PKHD1L1: variants seen among roughly 807,000 people sequenced by gnomAD.
PKHD1L1 encodes the protein PKHD1 like 1.
Under a neutral mutation model 462.9 loss-of-function variants are expected in PKHD1L1, and 434 were observed. The observed-to-expected ratio is 0.94, with a 90% CI of 0.87 to 1.02. The LOEUF (loss-of-function observed/expected upper bound fraction) is 1.02. Ranked by LOEUF, PKHD1L1 falls within the 50% of genes least tolerant of loss-of-function variation. The pLI, the probability that PKHD1L1 is intolerant of heterozygous loss-of-function variation, is 0.00. For synonymous variants in PKHD1L1, 1,781 were observed against 1,750.0 expected, an observed-to-expected ratio of 1.02 and a Z score of -0.44; for missense variants, 5,202 against 5,096.1, an observed-to-expected ratio of 1.02 and a Z score of -0.63.
intron 73 of PKHD1L1, among the ~76,000 whole-genome samples, chr8:109,520,699 T>C (rs1357095720): frequency 6.6e-6 from 1 of 152,158 alleles, no homozygotes; most frequent in Non-Finnish European, 1.5e-5. Context: ...TTATAGCTTT[T>C]ATATAGTATC....
rs116462723 is a variant in PKHD1L1, at chr8:109,489,025, G to T, written c.9881-927G>T. On this transcript the variant is annotated intron_variant, in intron 59 of 77. Transcript: ENST00000378402. The stretch of plus-strand genomic sequence containing the variant: ...TCCTATAAATTGTTTTGTGACGTGA[G>T]TAAAGACAACACATCTATGGCTTTT... 5.2e-3 allele frequency among the ~76,000 whole-genome samples: 794 copies of T among 152,044 alleles called. 7 individuals carry two copies. The highest frequency in any genetic ancestry group is 0.034 in the South Asian group (165 of 4,826).
intron 28 of PKHD1L1, among the ~76,000 whole-genome samples, chr8:109,434,733 T>A (rs1041552703): frequency 4.6e-5 from 7 of 152,218 alleles, no homozygotes; most frequent in Non-Finnish European, 1.0e-4. Context: ...CCTTCTAAAG[T>A]GCCGGGATTA....
At chr8:109,481,681 T>C (rs1306519952) in intron 56 of PKHD1L1, 119 bp downstream of exon 56, 1 of 990,100 alleles carries the variant, frequency 1.0e-6, no homozygotes, top group African/African-American at 1.7e-5. Context: ...AAAGTACTTC[T>C]GATACAAAAG....
At chr8:109,466,876 A>G (rs1817470069) in intron 50 of PKHD1L1, 107 bp downstream of exon 50, 6 of 1,003,360 alleles carry the variant, frequency 6.0e-6, no homozygotes, top group African/African-American at 1.7e-5. Flanking sequence ...TGCAAAAAGT[A>G]TAACATTTAT....
intron 34 of PKHD1L1, 71 bp from the exon 35 acceptor site, chr8:109,441,936 C>A: frequency 1.5e-6 from 2 of 1,308,642 alleles, no homozygotes; most frequent in Non-Finnish European, 2.0e-6. Context: ...ATATAAATTG[C>A]CATGTTGTCA....
rs935726043 is a variant in PKHD1L1, at chr8:109,533,146, G to T, written c.*3056G>T. Among the ~76,000 whole-genome samples the T allele has an allele frequency of 6.6e-6, 1 of 152,226 alleles. No individual in the cohort carries two copies. Among genetic ancestry groups the T allele is most frequent in the African/African-American group, 2.4e-5 (1 of 41,454 alleles). On this transcript the variant is annotated 3_prime_UTR_variant, in exon 78 of 78. Transcript: ENST00000378402. ...CACTTTTCCTCAAGCATGGGCAAGT[G>T]CTTCATTGGGAAGAGTTTTTAATCC... is the stretch of plus-strand genomic sequence containing the variant.
intron 2 of PKHD1L1, among the ~76,000 whole-genome samples, chr8:109,369,956 A>G (rs1187721492): frequency 1.3e-5 from 2 of 152,178 alleles, no homozygotes; most frequent in Non-Finnish European, 2.9e-5. Flanking sequence ...TTAGAGGAAT[A>G]AAATGATATT....
At chr8:109,391,574 T>C (rs749184699) in intron 9 of PKHD1L1, among the ~76,000 whole-genome samples, 4 of 152,238 alleles carry the variant, frequency 2.6e-5, no homozygotes, top group Non-Finnish European at 4.4e-5. Context: ...GATGTCATAG[T>C]GTCTCCCATT....
chr8:109,522,078 T>A, intron 73 of PKHD1L1, 108 bp from the exon 74 acceptor site: 1 of 1,135,190 alleles, frequency 8.8e-7, no homozygotes. Context: ...GCCTTAGAAT[T>A]CTATAATGTG....
chr8:109,464,213 C>T lies in PKHD1L1; in HGVS notation c.7384-3C>T, dbSNP rs77756597. ...AAATAACTGTGATTTCTGGGCTTAA[C>T]AGGTATTCCATGCTGGCCAGGCTTT... On this transcript the variant is annotated splice_region_variant and splice_polypyrimidine_tract_variant and intron_variant, in intron 48 of 77. Transcript: ENST00000378402. 1.6e-3 allele frequency: 2,506 copies of T among 1,577,124 alleles called. 34 individuals carry two copies. In the African/African-American group the frequency reaches 0.03, roughly 19 times the overall value.
rs376326343 is a variant in PKHD1L1 at position 109,435,240 on chromosome 8, G to A, written c.3391G>A (p.Val1131Ile). Reference protein sequence around the residue: ...ILNGSAGHAPVAVSMADVGLA... With the variant: ...ILNGSAGHAPIAVSMADVGLA... ...GAATGGAAGTGCTGGACATGCCCCC[G>A]TTGCTGTGTCCATGGCTGATGTTGG... Residue 1131 changes from valine (V) to isoleucine (I), a missense_variant, in exon 29 of 78, where the codon GTT becomes ATT. This residue lies in a region of PKHD1L1 where 4,497 missense variants were observed against 4,336.8 expected (regional missense o/e 1.04). Transcript: ENST00000378402. 2.5e-4 allele frequency: 407 copies of A among 1,613,798 alleles called. 2 individuals are homozygous for A. In the Middle Eastern group the frequency reaches 0.011, roughly 44 times the overall value.
intron 50 of PKHD1L1, chr8:109,471,158 G>A (rs1286090488): frequency 3.1e-6 from 4 of 1,293,762 alleles, no homozygotes; most frequent in Non-Finnish European, 4.2e-6. Flanking sequence ...TTCATGAAAT[G>A]TGTTTTGTCT....
In PKHD1L1 at chr8:109,405,036, T is replaced by C; in HGVS notation, c.1575T>C (p.Asn525=). 6.5e-7 allele frequency: 1 copy of C among 1,531,516 alleles called. No homozygotes were observed. The highest frequency in any genetic ancestry group is 2.0e-5 in the Admixed American group (1 of 50,004). 94.9% of individuals were successfully genotyped at this position (1,531,516 alleles called of 1,614,324 possible). A position where few individuals can be genotyped will look rare whatever the true frequency, so the allele number is the denominator to read the frequency against. ...LENWETTNAI[N]EVQKIKVTSP... is the part of the protein sequence containing the mutation. ...ACTGGGAAACAACTAATGCAATTAA[T>C]GAGGTTCAGAAGATCAAGGTAACCA... Residue 525 remains asparagine (N), a synonymous_variant, in exon 16 of 78, where the codon AAT becomes AAC. Coordinates refer to ENST00000378402, the MANE Select transcript of PKHD1L1 (RefSeq NM_177531.6).
At chr8:109,401,470 T>C (rs1813270591) in intron 13 of PKHD1L1, 27 bp from the exon 14 acceptor site, 1 of 1,253,076 alleles carries the variant, frequency 8.0e-7, no homozygotes, top group Non-Finnish European at 1.2e-6. Flanking sequence ...TTCTCCCTTT[T>C]CTCTGTCTCT....
At chr8:109,501,937 T>C (rs1819437253) in intron 67 of PKHD1L1, among the ~76,000 whole-genome samples, 1 of 152,090 alleles carries the variant, frequency 6.6e-6, no homozygotes, top group South Asian at 2.1e-4. Context: ...GCTAAGCCAC[T>C]CATCACTACC....
chr8:109,444,824 A>T lies in PKHD1L1; in HGVS notation c.4955A>T (p.Asp1652Val), dbSNP rs536853128. The change falls in exon 38 of 78, where the codon GAT (aspartate) becomes GTT (valine). Residue 1652 changes from aspartate to valine, a missense_variant. This residue lies in a region of PKHD1L1 where 4,497 missense variants were observed against 4,336.8 expected (regional missense o/e 1.04). Coordinates refer to ENST00000378402, the MANE Select transcript of PKHD1L1 (RefSeq NM_177531.6). ...ATCAATACGTTGTCCAATGAATTTG[A>T]TAGGCGATTTGTACTTTTGCCAAAC... ...TAINTLSNEF[D>V]RRFVLLPNID... 1.9e-5 allele frequency: 30 copies of T among 1,613,926 alleles called. No homozygotes were observed. Among genetic ancestry groups the T allele is most frequent in the Middle Eastern group, 3.3e-4 (2 of 6,084 alleles).
At chr8:109,390,319 T>G (rs1812652427) in intron 8 of PKHD1L1, 133 bp from the exon 9 acceptor site, 1 of 448,818 alleles carries the variant, frequency 2.2e-6, no homozygotes, top group African/African-American at 2.0e-5. Context: ...TCTTTGATGA[T>G]GAATATAAAA....
At chr8:109,410,726 C>CTTTTTTTTTTTTTTTTTTGTTTTTTTTT (rs1813800320) in intron 19 of PKHD1L1, among the ~76,000 whole-genome samples, 4 of 68,390 alleles carry the variant, frequency 5.8e-5, no homozygotes, top group East Asian at 5.2e-4. Flanking sequence ...TTTTCTTTTT[C>CTTTTTTTTTTTTTTTTTTGTTTTTTTTT]TTTTTTTTTT....
Position 109,401,551 on chromosome 8 carries a change from C to T in PKHD1L1, c.1336C>T (p.Gln446Ter), listed in dbSNP as rs760243585. The stretch of plus-strand genomic sequence containing the variant: ...CAACAGTTATTTTTCCAGTCCAACA[C>T]AAAGATCAGATGATATTCATCTGCA... ...NANSYFSSPT[Q>*]RSDDIHLQKG... The change falls in exon 14 of 78, where the codon CAA becomes TAA. Residue 446 changes from glutamine (Q) to a stop codon, truncating the protein, a stop_gained. Coordinates refer to ENST00000378402, the MANE Select transcript of PKHD1L1 (RefSeq NM_177531.6). LOFTEE classifies it high-confidence loss of function. 1.9e-6 allele frequency: 3 copies of T among 1,592,872 alleles called. No individual in the cohort carries two copies. In the East Asian group the frequency reaches 6.7e-5, roughly 36 times the overall value.
Sources: allele counts gnomAD v4.1 joint callset (sites outside exome capture counted in the v4.1 genomes callset), GRCh38; gene constraint gnomAD v4.1.1; regional missense constraint gnomAD v4.1.1; transcripts MANE v1.5; gene names NCBI Gene and HGNC (gene_info 2026-07-23, HGNC 2026-07-21).